Variants in ZMAT4 observed in about 807,000 individuals in gnomAD.
The protein encoded by ZMAT4 is zinc finger matrin-type 4.
ZMAT4 carries 17 observed loss-of-function variants against 28.7 expected under a neutral mutation model. The ratio of observed to expected loss-of-function variants is 0.59; its 90% CI spans 0.41 to 0.89. The LOEUF (loss-of-function observed/expected upper bound fraction) is 0.89. Among genes scored for constraint, ZMAT4 ranks in the 40% least tolerant of loss-of-function variants. The pLI is 0.00. For synonymous variants in ZMAT4, 117 were observed against 109.2 expected (o/e 1.07, Z -0.44); for missense variants, 240 against 283.8 (o/e 0.85, Z 1.11).
chr8:40,849,944 C>T (rs72641591), intron 1 of ZMAT4, among the ~76,000 whole-genome samples: 14,916 of 139,682 alleles, frequency 0.11, 817 homozygotes, highest in Non-Finnish European at 0.13. Flanking sequence ...CCATTCACCC[C>T]GCTGCTCAGA....
chr8:40,676,253 C>G (rs975895616), intron 4 of ZMAT4, among the ~76,000 whole-genome samples: 1 of 152,156 alleles, frequency 6.6e-6, no homozygotes, highest in African/African-American at 2.4e-5. Context: ...GGATCCTTTT[C>G]ATACTTCTTA....
intron 1 of ZMAT4, among the ~76,000 whole-genome samples, chr8:40,873,083 G>C (rs539434526): frequency 2.8e-4 from 42 of 152,288 alleles, no homozygotes; most frequent in Non-Finnish European, 2.9e-5. Flanking sequence ...GAGAGATTTA[G>C]ATGAAGAATC....
intron 5 of ZMAT4, among the ~76,000 whole-genome samples, chr8:40,662,548 G>A (rs556951829): frequency 7.0e-4 from 107 of 152,220 alleles, no homozygotes; most frequent in African/African-American, 2.5e-3. Flanking sequence ...AGTCAGTGAT[G>A]ATGGAAGACT....
chr8:40,553,702 A>G (rs910218489), intron 6 of ZMAT4, among the ~76,000 whole-genome samples: 1 of 152,194 alleles, frequency 6.6e-6, no homozygotes, highest in Non-Finnish European at 1.5e-5. Context: ...CTAAGGTTGC[A>G]TAGATAATGA....
At chr8:40,721,104 A>G (rs1009673789) in intron 3 of ZMAT4, among the ~76,000 whole-genome samples, 5 of 136,160 alleles carry the variant, frequency 3.7e-5, no homozygotes, top group Admixed American at 3.7e-4. Flanking sequence ...CATTAGGTAT[A>G]TCTCCCAATG....
intron 2 of ZMAT4, among the ~76,000 whole-genome samples, chr8:40,773,316 A>G (rs11987265): frequency 0.011 from 1,656 of 152,334 alleles, 22 homozygotes; most frequent in African/African-American, 0.038. Flanking sequence ...CCGAGGTGCC[A>G]GGTCCCAGAC....
intron 1 of ZMAT4, among the ~76,000 whole-genome samples, chr8:40,889,881 G>A (rs1212140978): frequency 6.6e-6 from 1 of 152,166 alleles, no homozygotes; most frequent in African/African-American, 2.4e-5. Context: ...AGGAATTGCT[G>A]ACTGGTTCAA....
chr8:40,744,881 T>A (rs1371831304), intron 3 of ZMAT4, among the ~76,000 whole-genome samples: 1 of 152,184 alleles, frequency 6.6e-6, no homozygotes, highest in Non-Finnish European at 1.5e-5. Flanking sequence ...CTTTGAGAAA[T>A]TTAGGCTTTA....
At chr8:40,684,064 T>G (rs529864261) in intron 4 of ZMAT4, among the ~76,000 whole-genome samples, 2 of 150,084 alleles carry the variant, frequency 1.3e-5, no homozygotes, top group Admixed American at 6.6e-5. Context: ...AGATCCCGTC[T>G]TAGAAAAAAA....
At chr8:40,626,480 A>T (rs1161008656) in intron 5 of ZMAT4, among the ~76,000 whole-genome samples, 1 of 151,756 alleles carries the variant, frequency 6.6e-6, no homozygotes, top group African/African-American at 2.4e-5. Flanking sequence ...AACATATAAA[A>T]CTCTTCTGTG....
At chr8:40,611,923 C>G (rs1303713842) in intron 5 of ZMAT4, among the ~76,000 whole-genome samples, 2 of 152,148 alleles carry the variant, frequency 1.3e-5, no homozygotes. Flanking sequence ...CTGGAAACTA[C>G]AGAACTCATT....
At chr8:40,701,003 A>G (rs2150498424) in intron 3 of ZMAT4, among the ~76,000 whole-genome samples, 1 of 152,218 alleles carries the variant, frequency 6.6e-6, no homozygotes, top group South Asian at 2.1e-4. Flanking sequence ...GGGATTAGTA[A>G]CTTGTATGAC....
At chr8:40,825,344 T>TA (rs933870966) in intron 2 of ZMAT4, among the ~76,000 whole-genome samples, 1 of 151,958 alleles carries the variant, frequency 6.6e-6, no homozygotes, top group Non-Finnish European at 1.5e-5. Flanking sequence ...ATACAAATTT[T>TA]AAAAAAAGGA....
intron 1 of ZMAT4, 30 bp from the exon 2 acceptor site, chr8:40,825,710 G>T: frequency 2.0e-6 from 3 of 1,509,168 alleles, no homozygotes; most frequent in South Asian, 1.2e-5. Context: ...AAAGAAAAAT[G>T]AGTCCACTGC....
chr8:40,886,233 C>T (rs4736886), intron 1 of ZMAT4, among the ~76,000 whole-genome samples: 29,733 of 152,140 alleles, frequency 0.2, 3,002 homozygotes, highest in Admixed American at 0.23. Flanking sequence ...GCCAAACAGT[C>T]CCCAGAGACA....
chr8:40,532,147 T>C lies in ZMAT4; in HGVS notation c.*76A>G. On this transcript the variant is annotated 3_prime_UTR_variant, in exon 7 of 7. Transcript: ENST00000297737. ...TTTATTGTTCAAGAAAGAAGCCTCC[T>C]CTGGTGGTTGATAAGCAATTCTCCA... is the stretch of plus-strand genomic sequence containing the variant. 1.1e-5 allele frequency: 16 copies of C among 1,418,712 alleles called. No homozygotes were observed. The highest frequency in any genetic ancestry group is 1.4e-5 in the Non-Finnish European group (15 of 1,047,864). 87.9% of individuals were successfully genotyped at this position (1,418,712 alleles called of 1,614,324 possible).
chr8:40,629,758 A>G (rs1366333843), intron 5 of ZMAT4, among the ~76,000 whole-genome samples: 1 of 152,136 alleles, frequency 6.6e-6, no homozygotes, highest in African/African-American at 2.4e-5. Context: ...ATGGCTGCAT[A>G]GTATTCCATG....
intron 1 of ZMAT4, among the ~76,000 whole-genome samples, chr8:40,845,796 A>AAAAG (rs1554570157): frequency 3.3e-5 from 4 of 120,596 alleles, no homozygotes; most frequent in African/African-American, 1.1e-4. Flanking sequence ...AAAAAAAAAA[A>AAAAG]AGAGAGAGAG....
At chr8:40,838,123 G>A (rs1211776451) in intron 1 of ZMAT4, among the ~76,000 whole-genome samples, 2 of 152,216 alleles carry the variant, frequency 1.3e-5, no homozygotes, top group Non-Finnish European at 2.9e-5. Flanking sequence ...TGATGCTGGG[G>A]AGGAGGCACA....
Sources: allele counts gnomAD v4.1 joint callset (sites outside exome capture counted in the v4.1 genomes callset), GRCh38; gene constraint gnomAD v4.1.1; transcripts MANE v1.5; gene names NCBI Gene and HGNC (gene_info 2026-07-23, HGNC 2026-07-21).